ITGA8: variants seen among roughly 807,000 people sequenced by gnomAD.
ITGA8 encodes the protein integrin alpha-8.
In ITGA8, 91 loss-of-function variants were observed where a neutral mutation model predicts 142.3. That is an observed-to-expected ratio of 0.64 (90% confidence interval 0.54 to 0.76). The LOEUF (loss-of-function observed/expected upper bound fraction) is 0.76, where lower values mean the gene tolerates loss of function less well. ITGA8 is among the 30% of genes least tolerant of loss of function. The pLI, the probability that ITGA8 is intolerant of heterozygous loss-of-function variation, is 0.00. For missense variants in ITGA8, 1,406 were observed against 1,327.7 expected (o/e 1.06, Z -0.92); for synonymous variants, 505 against 485.2 (o/e 1.04, Z -0.54).
At chr10:15,617,382 T>C (rs1285658408) in intron 13 of ITGA8, among the ~76,000 whole-genome samples, 2 of 148,618 alleles carry the variant, frequency 1.3e-5, no homozygotes, top group African/African-American at 4.9e-5. Context: ...TTGGCTAACA[T>C]AGAGGTCAAA....
chr10:15,608,315 T>C (rs200633776), intron 15 of ITGA8, 25 bp from the exon 16 acceptor site: 2 of 1,504,680 alleles, frequency 1.3e-6, no homozygotes, highest in Non-Finnish European at 1.8e-6. Context: ...AGTAATTTAT[T>C]GGTTAATAAA....
In ITGA8 at chr10:15,616,550, A is replaced by G. The variant is rs772076770; in HGVS notation, c.1409T>C (p.Val470Ala). Reference sequence around the variant, plus strand: ...GACTTTTCCTGTTCCAAATGCACCCACAATCAAATCTTAAAAAGACAAAAA... The same window carrying G: ...GACTTTTCCTGTTCCAAATGCACCCGCAATCAAATCTTAAAAAGACAAAAA... ...IDKNDYPDLI[V>A]GAFGTGKVAV... The change falls in exon 14 of 30, where the codon GTG (valine) becomes GCG (alanine). Residue 470 changes from valine (V) to alanine (A), a missense_variant. Coordinates refer to ENST00000378076, the MANE Select transcript of ITGA8 (RefSeq NM_003638.3). 141 of 1,612,196 alleles carry G rather than the reference A, an allele frequency of 8.7e-5. No individual in the cohort carries two copies. The highest frequency in any genetic ancestry group is 1.8e-4 in the Admixed American group (11 of 60,024).
At chr10:15,612,060 G>T (rs1363505057) in intron 15 of ITGA8, among the ~76,000 whole-genome samples, 1 of 152,112 alleles carries the variant, frequency 6.6e-6, no homozygotes, top group Non-Finnish European at 1.5e-5. Context: ...AATCATGCAG[G>T]GGTAAGGATA....
intron 6 of ITGA8, among the ~76,000 whole-genome samples, chr10:15,676,676 G>T (rs1347470022): frequency 6.6e-6 from 1 of 152,164 alleles, no homozygotes; most frequent in East Asian, 1.9e-4. Context: ...ATGGAGAAAT[G>T]AATTGTTAAG....
intron 13 of ITGA8, among the ~76,000 whole-genome samples, chr10:15,638,812 C>T (rs186435949): frequency 5.8e-4 from 88 of 152,238 alleles, no homozygotes; most frequent in African/African-American, 1.8e-3. Context: ...GGCAGCTGAA[C>T]GCCTGTATGT....
At chr10:15,576,800 T>A (rs1834306167) in intron 23 of ITGA8, among the ~76,000 whole-genome samples, 1 of 152,222 alleles carries the variant, frequency 6.6e-6, no homozygotes, top group South Asian at 2.1e-4. Flanking sequence ...TAGGAATGAG[T>A]ACATTTTAAA....
chr10:15,522,642 A>G (rs1460093167), intron 28 of ITGA8, among the ~76,000 whole-genome samples: 6 of 152,230 alleles, frequency 3.9e-5, no homozygotes, highest in Non-Finnish European at 8.8e-5. Flanking sequence ...AGCATGTGTC[A>G]GAGCTCACCA....
At position 15,655,519 on chromosome 10, in the gene ITGA8, T is replaced by C; in HGVS notation, c.949-113A>G. On this transcript the variant is annotated intron_variant, in intron 10 of 29. Coordinates refer to ENST00000378076, the MANE Select transcript of ITGA8 (RefSeq NM_003638.3). ...ATTGTGGTACATTTTTGCATTGAAA[T>C]TCATAGATTCTTCGAAGTGGCCAGG... The C allele has an allele frequency of 9.1e-6, 7 of 773,002 alleles. No homozygotes were observed. In the South Asian group the frequency reaches 1.2e-4, roughly 13 times the overall value. 47.9% of individuals were successfully genotyped at this position (773,002 alleles called of 1,614,324 possible).
At chr10:15,674,279 C>T (rs1473851784) in intron 6 of ITGA8, among the ~76,000 whole-genome samples, 2 of 152,204 alleles carry the variant, frequency 1.3e-5, no homozygotes, top group Non-Finnish European at 2.9e-5. Flanking sequence ...ACTGTCTTTG[C>T]TGTTTCCTTT....
chr10:15,692,252 TA>T (rs543408339), intron 2 of ITGA8, among the ~76,000 whole-genome samples: 72 of 149,246 alleles, frequency 4.8e-4, no homozygotes, highest in South Asian at 1.7e-3. Flanking sequence ...TTTTGTCAAT[TA>T]AAAAAAAAAC....
At chr10:15,602,981 G>A (rs558156426) in intron 20 of ITGA8, among the ~76,000 whole-genome samples, 28 of 150,604 alleles carry the variant, frequency 1.9e-4, no homozygotes, top group South Asian at 6.2e-4. Context: ...AGATGTGACT[G>A]ACATACACAA....
rs190338908 is a variant in ITGA8, at chr10:15,669,546, G to T, written c.847+2057C>A. On this transcript the variant is annotated intron_variant, in intron 8 of 29. Coordinates refer to ENST00000378076, the MANE Select transcript of ITGA8 (RefSeq NM_003638.3). ...TCAAAGTCATTCTCCATCCAGCTTTGTTCCATTGCTGGTGAGAGGCTGCGT... is the reference window on the plus strand; with the variant it reads ...TCAAAGTCATTCTCCATCCAGCTTTTTTCCATTGCTGGTGAGAGGCTGCGT... Among the ~76,000 whole-genome samples the T allele has an allele frequency of 2.6e-3, 392 of 152,294 alleles. 2 individuals are homozygous for T. Among genetic ancestry groups the T allele is most frequent in the African/African-American group, 9.0e-3 (376 of 41,558 alleles).
intron 13 of ITGA8, among the ~76,000 whole-genome samples, chr10:15,620,656 C>T (rs930418100): frequency 1.3e-5 from 2 of 152,216 alleles, no homozygotes; most frequent in Non-Finnish European, 2.9e-5. Flanking sequence ...AGTACTTATG[C>T]TCGGGACCTT....
At chr10:15,692,240 GT>G (rs1270103566) in intron 2 of ITGA8, among the ~76,000 whole-genome samples, 1 of 151,616 alleles carries the variant, frequency 6.6e-6, no homozygotes, top group Non-Finnish European at 1.5e-5. Context: ...GCCTTATACA[GT>G]TTTTGTCAAT....
At position 15,719,592 on chromosome 10, in the gene ITGA8, G is replaced by A. The variant is rs767421664; in HGVS notation, c.180C>T (p.Ala60=). 7.0e-6 allele frequency: 11 copies of A among 1,561,602 alleles called. No individual in the cohort carries two copies. In the East Asian group the frequency reaches 1.8e-4, roughly 25 times the overall value. Residue 60 remains alanine (A), a synonymous_variant, in exon 1 of 30, where the codon GCC becomes GCT. Transcript: ENST00000378076. Reference sequence around the variant, plus strand: ...GGGCGTCGGGTATGTGGAAGTCCACGGCGTAGCCGAAGTAGCTGCCCTTGG... The same window carrying A: ...GGGCGTCGGGTATGTGGAAGTCCACAGCGTAGCCGAAGTAGCTGCCCTTGG... ...SGPKGSYFGY[A]VDFHIPDART...
At chr10:15,613,617 T>C (rs369180255) in intron 15 of ITGA8, 43 bp downstream of exon 15, 96 of 1,265,362 alleles carry the variant, frequency 7.6e-5, no homozygotes, top group Non-Finnish European at 1.1e-4. Flanking sequence ...ACCCAGGTGA[T>C]GTGAATTCAC....
chr10:15,549,050 T>C (rs1833734077), intron 26 of ITGA8, among the ~76,000 whole-genome samples: 1 of 152,152 alleles, frequency 6.6e-6, no homozygotes, highest in African/African-American at 2.4e-5. Context: ...GTGACTTTCA[T>C]TCATTAGGCT....
chr10:15,652,228 T>G (rs1564392924), intron 11 of ITGA8, among the ~76,000 whole-genome samples: 1 of 152,200 alleles, frequency 6.6e-6, no homozygotes, highest in Non-Finnish European at 1.5e-5. Context: ...CTCACAAAAC[T>G]TTGCTATAGA....
chr10:15,655,839 A>T (rs1564394593), intron 10 of ITGA8, among the ~76,000 whole-genome samples: 1 of 152,172 alleles, frequency 6.6e-6, no homozygotes. Context: ...TAATCCCAGC[A>T]TTCTGGGAGG....
Sources: allele counts gnomAD v4.1 joint callset (sites outside exome capture counted in the v4.1 genomes callset), GRCh38; gene constraint gnomAD v4.1.1; transcripts MANE v1.5; gene names NCBI Gene and HGNC (gene_info 2026-07-23, HGNC 2026-07-21).